Variants in ABCD2 observed in about 807,000 individuals in gnomAD.
The protein encoded by ABCD2 is ATP-binding cassette sub-family D member 2.
ABCD2 carries 36 observed loss-of-function variants against 70.9 expected under a neutral mutation model. That is an observed-to-expected ratio of 0.51 (90% confidence interval 0.39 to 0.67). ABCD2 has a LOEUF of 0.67. ABCD2 is among the 30% of genes least tolerant of loss of function. The probability of loss-of-function intolerance (pLI) is 0.00; values close to 1 mark genes in which losing one functional copy is unlikely to be tolerated. For synonymous variants in ABCD2, 304 were observed against 306.9 expected, an observed-to-expected ratio of 0.99 and a Z score of 0.10; for missense variants, 729 against 890.2, an observed-to-expected ratio of 0.82 and a Z score of 2.30.
intron 1 of ABCD2, among the ~76,000 whole-genome samples, chr12:39,617,623 T>C (rs1942134092): frequency 6.6e-6 from 1 of 152,242 alleles, no homozygotes; most frequent in African/African-American, 2.4e-5. Flanking sequence ...ATTCAATAGT[T>C]CAAGAAGAAT....
chr12:39,616,346 G>T (rs1942114632), intron 2 of ABCD2, among the ~76,000 whole-genome samples: 1 of 152,052 alleles, frequency 6.6e-6, no homozygotes, highest in Non-Finnish European at 1.5e-5. Flanking sequence ...AATAAAAACT[G>T]TTATTAAAAA....
intron 6 of ABCD2, among the ~76,000 whole-genome samples, chr12:39,598,569 T>G (rs776020290): frequency 6.6e-6 from 1 of 152,024 alleles, no homozygotes; most frequent in Non-Finnish European, 1.5e-5. Flanking sequence ...CCCGGCTAAT[T>G]TTGTATTCTT....
chr12:39,615,668 T>C (rs910584625), intron 2 of ABCD2, among the ~76,000 whole-genome samples: 6 of 152,082 alleles, frequency 3.9e-5, no homozygotes, highest in African/African-American at 1.4e-4. Flanking sequence ...AATACTAACT[T>C]ACTGAAATGA....
rs1399660981 is a variant in ABCD2 at position 39,553,307 on chromosome 12, A to G, written c.*605T>C. The G allele has an allele frequency of 1.3e-5, 2 of 152,106 alleles. No individual in the cohort carries two copies. Among genetic ancestry groups the G allele is most frequent in the Admixed American group, 6.5e-5 (1 of 15,274 alleles). 9.4% of individuals were successfully genotyped at this position (152,106 alleles called of 1,614,324 possible). A position where few individuals can be genotyped will look rare whatever the true frequency, so the allele number is the denominator to read the frequency against. ...GTTATATGCCCTCATTAAGATGCTTAAAGTCCAAAATTTAAAAATATGGCA... is the reference window on the plus strand; with the variant it reads ...GTTATATGCCCTCATTAAGATGCTTGAAGTCCAAAATTTAAAAATATGGCA... On this transcript the variant is annotated 3_prime_UTR_variant, in exon 10 of 10. Transcript: ENST00000308666.
intron 6 of ABCD2, among the ~76,000 whole-genome samples, chr12:39,594,255 T>C (rs2120678117): frequency 6.6e-6 from 1 of 152,302 alleles, no homozygotes; most frequent in African/African-American, 2.4e-5. Flanking sequence ...CCAGCATTTA[T>C]CCACTGGAGG....
At chr12:39,586,937 C>T (rs188766084) in intron 6 of ABCD2, among the ~76,000 whole-genome samples, 2 of 152,302 alleles carry the variant, frequency 1.3e-5, no homozygotes, top group Non-Finnish European at 2.9e-5. Context: ...TGGTAACTCA[C>T]TCCACTGGCA....
At chr12:39,531,495 A>G in the ABCD2 span, among the ~76,000 whole-genome samples, 1 of 152,218 alleles carries the variant, frequency 6.6e-6, no homozygotes, top group Non-Finnish European at 1.5e-5. Context: ...AGAAAGACTA[A>G]TGTGAGGAAG....
chr12:39,574,348 AT>A (rs1274213670), intron 8 of ABCD2, among the ~76,000 whole-genome samples: 1 of 152,194 alleles, frequency 6.6e-6, no homozygotes, highest in Admixed American at 6.5e-5. Flanking sequence ...AATGTGGCTC[AT>A]CTTACAAATT....
chr12:39,571,530 C>T (rs1161555937), intron 9 of ABCD2, among the ~76,000 whole-genome samples: 1 of 152,148 alleles, frequency 6.6e-6, no homozygotes, highest in Non-Finnish European at 1.5e-5. Flanking sequence ...GCAAACACCA[C>T]CTTCGATGTA....
intron 9 of ABCD2, among the ~76,000 whole-genome samples, chr12:39,570,304 C>T (rs1282552017): frequency 6.6e-6 from 1 of 152,202 alleles, no homozygotes; most frequent in African/African-American, 2.4e-5. Context: ...AAGTACAAAG[C>T]TGGAGCCATC....
In ABCD2 at chr12:39,619,526, T is replaced by C; in HGVS notation, c.90A>G (p.Ala30=). The C allele has an allele frequency of 6.2e-7, 1 of 1,612,128 alleles. No homozygotes were observed. The highest frequency in any genetic ancestry group is 8.5e-7 in the Non-Finnish European group (1 of 1,180,002). Reference sequence around the variant, plus strand: ...TGGGATAGAGGGTTTTCAGAGCATATGCCGCAGCCACCAGGCAGGCAGCCC... The same window carrying C: ...TGGGATAGAGGGTTTTCAGAGCATACGCCGCAGCCACCAGGCAGGCAGCCC... ...AKRAACLVAA[A]YALKTLYPII... is the part of the protein sequence containing the mutation. Residue 30 remains alanine (A), a synonymous_variant, in exon 1 of 10, where the codon GCA becomes GCG. Transcript: ENST00000308666.
At chr12:39,590,864 TCTATGTG>T (rs1488389951) in intron 6 of ABCD2, among the ~76,000 whole-genome samples, 1 of 152,082 alleles carries the variant, frequency 6.6e-6, no homozygotes, top group Non-Finnish European at 1.5e-5. Flanking sequence ...GTTAGCTGTA[TCTATGTG>T]CTTGGAGCTT....
chr12:39,564,979 A>G (rs1166277582), intron 9 of ABCD2, among the ~76,000 whole-genome samples: 1 of 152,084 alleles, frequency 6.6e-6, no homozygotes. Context: ...GTTCTGTTCC[A>G]TTGGCTATAT....
chr12:39,604,169 G>A (rs2120727792), intron 4 of ABCD2, among the ~76,000 whole-genome samples, 163 bp from the exon 5 acceptor site: 1 of 152,134 alleles, frequency 6.6e-6, no homozygotes, highest in Admixed American at 6.5e-5. Flanking sequence ...CTGAAGCAAA[G>A]TTTAATGTAA....
chr12:39,580,333 C>G (rs1566555460), intron 7 of ABCD2, among the ~76,000 whole-genome samples: 1 of 152,096 alleles, frequency 6.6e-6, no homozygotes, highest in African/African-American at 2.4e-5. Context: ...TGCATGCTAT[C>G]TCTTAAAACA....
intron 9 of ABCD2, among the ~76,000 whole-genome samples, chr12:39,559,378 CAA>C (rs199560381): frequency 6.6e-5 from 4 of 60,402 alleles, no homozygotes; most frequent in African/African-American, 8.9e-5. Flanking sequence ...ACTCCAGCTC[CAA>C]AAAAAAAAAA....
At chr12:39,569,517 C>T (rs368868311) in intron 9 of ABCD2, among the ~76,000 whole-genome samples, 9 of 152,154 alleles carry the variant, frequency 5.9e-5, no homozygotes, top group East Asian at 1.9e-4. Flanking sequence ...TTCCAGGTGC[C>T]GTCTGTCAAC....
At chr12:39,556,473 G>A (rs577739756) in intron 9 of ABCD2, among the ~76,000 whole-genome samples, 2 of 152,216 alleles carry the variant, frequency 1.3e-5, no homozygotes, top group African/African-American at 4.8e-5. Context: ...AGTTCCTCCT[G>A]TGTTCGTTCT....
At chr12:39,544,374 CTCGTAAACCATAATT>C in the ABCD2 span, among the ~76,000 whole-genome samples, 1 of 152,150 alleles carries the variant, frequency 6.6e-6, no homozygotes, top group Non-Finnish European at 1.5e-5. Flanking sequence ...AGCTACATGA[CTCGTAAACCATAATT>C]TCTAATCTTG....
Sources: allele counts gnomAD v4.1 joint callset (sites outside exome capture counted in the v4.1 genomes callset), GRCh38; gene constraint gnomAD v4.1.1; transcripts MANE v1.5; gene names NCBI Gene and HGNC (gene_info 2026-07-23, HGNC 2026-07-21).